The following PKD1 variants were observed in gnomAD, a reference collection of about 807,000 sequenced individuals.
PKD1 encodes polycystin 1, transient receptor potential channel interacting, also known as polycystin-1.
In PKD1, 81 loss-of-function variants were observed where a neutral mutation model predicts 361.7. That is an observed-to-expected ratio of 0.22 (90% confidence interval 0.19 to 0.27). The LOEUF is 0.27. Among genes scored for constraint, PKD1 ranks in the 10% least tolerant of loss-of-function variants. The pLI, the probability that PKD1 is intolerant of heterozygous loss-of-function variation, is 1.00. For synonymous variants in PKD1, 3,615 were observed against 2,818.3 expected, an observed-to-expected ratio of 1.28 and a Z score of -8.95; for missense variants, 6,399 against 6,118.3, an observed-to-expected ratio of 1.05 and a Z score of -1.53.
rs1254983694 is a variant in PKD1 at position 2,101,583 on chromosome 16, A to G, written c.9397+478T>C. ...CTGTGAGCCAAGATCATGCCATTGCACTCCAGCCTGGGCAACAGAGTGAGA... is the reference window on the plus strand; with the variant it reads ...CTGTGAGCCAAGATCATGCCATTGCGCTCCAGCCTGGGCAACAGAGTGAGA... On this transcript the variant is annotated intron_variant, in intron 26 of 45. Coordinates refer to ENST00000262304, the MANE Select transcript of PKD1 (RefSeq NM_001009944.3). 2.0e-5 allele frequency among the ~76,000 whole-genome samples: 3 copies of G among 152,298 alleles called. No individual in the cohort carries two copies. The East Asian group carries it at 5.8e-4, about 29-fold the overall frequency.
chr16:2,089,938 T>G lies in PKD1; in HGVS notation c.12701A>C (p.Glu4234Ala). Reference sequence around the variant, plus strand: ...CTGCTGCTCCAGCTGGTAGACGTCCTCTGTGGCCTGGTTGAGTCGGTCAAA... The same window carrying G: ...CTGCTGCTCCAGCTGGTAGACGTCCGCTGTGGCCTGGTTGAGTCGGTCAAA... ...TQFDRLNQAT[E>A]DVYQLEQQLH... Residue 4234 changes from glutamate (E) to alanine (A), a missense_variant, in exon 46 of 46, where the codon GAG becomes GCG. By Grantham distance (107) the Glu-to-Ala change is moderately radical. Transcript: ENST00000262304. The G allele has an allele frequency of 6.2e-7, 1 of 1,612,310 alleles. No homozygotes were observed. The highest frequency in any genetic ancestry group is 8.5e-7 in the Non-Finnish European group (1 of 1,179,796).
chr16:2,118,978 G>A lies in PKD1; in HGVS notation c.360-133C>T, dbSNP rs1229002413. 2.3e-6 allele frequency: 2 copies of A among 867,452 alleles called. No homozygotes were observed. Among genetic ancestry groups the A allele is most frequent in the Non-Finnish European group, 3.7e-6 (2 of 541,164 alleles). 53.7% of individuals were successfully genotyped at this position (867,452 alleles called of 1,614,324 possible). The stretch of plus-strand genomic sequence containing the variant: ...TGCCCCAACCAAGCCGGCACTGGGG[G>A]GCTCCAAGCAGGCAGTGAACTGCCC... On this transcript the variant is annotated intron_variant, in intron 3 of 45. Transcript: ENST00000262304. The surrounding 1 kb of genome is among the most constrained non-coding windows in gnomAD (Gnocchi z 6.0).
At chr16:2,123,718 G>A (rs1287868797) in intron 1 of PKD1, among the ~76,000 whole-genome samples, 1 of 152,144 alleles carries the variant, frequency 6.6e-6, no homozygotes, top group African/African-American at 2.4e-5. Flanking sequence ...CTAAGCCCAG[G>A]CAAGAGCACA....
In PKD1 at chr16:2,102,492, C is replaced by G. The variant is rs750365867; in HGVS notation, c.9090G>C (p.Leu3030=). 1.5e-5 allele frequency: 24 copies of G among 1,578,968 alleles called. No homozygotes were observed. In the Admixed American group the frequency reaches 3.7e-4, roughly 24 times the overall value. Residue 3030 remains leucine, a synonymous_variant, in exon 25 of 46, where the codon CTG becomes CTC. Coordinates refer to ENST00000262304, the MANE Select transcript of PKD1 (RefSeq NM_001009944.3). ...GGGGCGAGGTCTCCTCCAGGGGCAG[C>G]AGCCCCTCTGTCCGCCACACCATGT... The part of the protein sequence containing the change: ...EEDMVWRTEG[L]LPLEETSPRQ...
At chr16:2,135,358 G>A in intron 1 of PKD1, 117 bp downstream of exon 1, 2 of 1,064,772 alleles carry the variant, frequency 1.9e-6, no homozygotes. Context: ...TGCCGCGCCG[G>A]AGCCTCGCCC....
intron 37 of PKD1, 191 bp downstream of exon 37, chr16:2,093,353 C>T: frequency 1.4e-6 from 1 of 690,166 alleles, no homozygotes. Context: ...TGGAGCTGGG[C>T]CCTGGCAGGG....
Position 2,105,885 on chromosome 16 carries a change from G to C in PKD1, c.7843C>G (p.Leu2615Val), listed in dbSNP as rs771676768. ...PQHVIEYSLALVTVLNEYERA... is the reference protein window; with the variant it reads ...PQHVIEYSLAVVTVLNEYERA... Reference sequence around the variant, plus strand: ...CTCACCTCGTTCAGCACGGTGACCAGGGCCAACGAGTACTCGATGACGTGC... The same window carrying C: ...CTCACCTCGTTCAGCACGGTGACCACGGCCAACGAGTACTCGATGACGTGC... Residue 2615 changes from leucine to valine, a missense_variant, in exon 20 of 46, where the codon CTG becomes GTG. Leu to Val is a conservative substitution (Grantham distance 32, BLOSUM62 1). Transcript: ENST00000262304. The C allele has an allele frequency of 2.5e-6, 4 of 1,596,110 alleles. No homozygotes were observed. The highest frequency in any genetic ancestry group is 3.4e-6 in the Non-Finnish European group (4 of 1,179,634).
In PKD1 at chr16:2,103,820, C is replaced by T. The variant is rs1800569; in HGVS notation, c.8237G>A (p.Arg2746Gln). The T allele has an allele frequency of 1.8e-4, 294 of 1,608,100 alleles. 2 individuals are homozygous for T. The highest frequency in any genetic ancestry group is 1.2e-3 in the South Asian group (105 of 90,850). The change falls in exon 23 of 46, where the codon CGG becomes CAG. Residue 2746 changes from arginine to glutamine, a missense_variant. Transcript: ENST00000262304. ...PSELGAESPSRMVASQAYNLT... is the reference protein window; with the variant it reads ...PSELGAESPSQMVASQAYNLT... ...GTTGTAGGCCTGGGACGCCACCATC[C>T]GAGATGGTGACTCGGCTCCCAGCTC... is the stretch of plus-strand genomic sequence containing the variant.
In PKD1 at chr16:2,093,707, A is replaced by G. The variant is rs748807668; in HGVS notation, c.10853T>C (p.Val3618Ala). 6.3e-7 allele frequency: 1 copy of G among 1,595,400 alleles called. No individual in the cohort carries two copies. The part of the protein sequence containing the change: ...VLLEALYFSL[V>A]AKRLHPDEDD... ...TTCATCCGGGTGCAGCCGCTTGGCC[A>G]CCAGTGAGAAGTACAGGGCTTCCAG... is the stretch of plus-strand genomic sequence containing the variant. Residue 3618 changes from valine (V) to alanine (A), a missense_variant, in exon 37 of 46, where the codon GTG becomes GCG. Transcript: ENST00000262304.
intron 1 of PKD1, among the ~76,000 whole-genome samples, chr16:2,127,407 C>T (rs143787810): frequency 0.038 from 5,730 of 152,304 alleles, 353 homozygotes; most frequent in African/African-American, 0.13. Context: ...CCCACAGCCA[C>T]GCGGCCCTGC....
At chr16:2,123,415 G>A (rs1401764877) in intron 1 of PKD1, 2 of 455,938 alleles carry the variant, frequency 4.4e-6, no homozygotes, top group Admixed American at 2.4e-5. Flanking sequence ...GGACTCAGGT[G>A]TGGGCTTCAG....
Position 2,097,214 on chromosome 16 carries a change from G to T in PKD1, c.10433C>A (p.Ala3478Asp). The change falls in exon 34 of 46, where the codon GCC (alanine) becomes GAC (aspartate). Residue 3478 changes from alanine to aspartate, a missense_variant. Coordinates refer to ENST00000262304, the MANE Select transcript of PKD1 (RefSeq NM_001009944.3). Reference sequence around the variant, plus strand: ...AGGGGCTGGGCTGCTGACCCCCTCGGCAAGGACCTGCTGGATCAGGTCTTC... The same window carrying T: ...AGGGGCTGGGCTGCTGACCCCCTCGTCAAGGACCTGCTGGATCAGGTCTTC... ...SDEDLIQQVL[A>D]EGVSSPAPTQ... The T allele has an allele frequency of 6.4e-7, 1 of 1,572,760 alleles. No individual in the cohort carries two copies. The highest frequency in any genetic ancestry group is 8.6e-7 in the Non-Finnish European group (1 of 1,159,002).
rs1338900755 is a variant in PKD1 at position 2,106,575 on chromosome 16, G to A, written c.7312C>T (p.Leu2438=). ...AAGGTGTATCCCTCGCCGTCCCGCAGCACGCCCCGCCGCAGCACCAGTCGC... is the reference window on the plus strand; with the variant it reads ...AAGGTGTATCCCTCGCCGTCCCGCAACACGCCCCGCCGCAGCACCAGTCGC... ...GMRLVLRRGV[L]RDGEGYTFTL... is the part of the protein sequence containing the mutation. Residue 2438 remains leucine, a synonymous_variant, in exon 18 of 46, where the codon CTG becomes TTG. Coordinates refer to ENST00000262304, the MANE Select transcript of PKD1 (RefSeq NM_001009944.3). The surrounding 1 kb of genome is among the most constrained non-coding windows in gnomAD (Gnocchi z 6.5). 4 of 1,596,110 alleles carry A rather than the reference G, an allele frequency of 2.5e-6. No individual in the cohort carries two copies. The highest frequency in any genetic ancestry group is 1.1e-5 in the South Asian group (1 of 90,732).
intron 26 of PKD1, among the ~76,000 whole-genome samples, chr16:2,101,047 G>A (rs1228217616): frequency 4.0e-5 from 6 of 151,748 alleles, no homozygotes; most frequent in African/African-American, 1.5e-4. Flanking sequence ...GTGCAGTGGC[G>A]CAATCTCAGC....
chr16:2,121,815 G>A (rs539763745), intron 1 of PKD1, among the ~76,000 whole-genome samples: 1 of 152,282 alleles, frequency 6.6e-6, no homozygotes, highest in South Asian at 2.1e-4. Context: ...CTCACCTCCT[G>A]CCACGGGCCT....
Position 2,112,376 on chromosome 16 carries a change from C to G in PKD1, c.3259G>C (p.Val1087Leu). 6.3e-7 allele frequency: 1 copy of G among 1,587,756 alleles called. No individual in the cohort carries two copies. Among genetic ancestry groups the G allele is most frequent in the Non-Finnish European group, 8.5e-7 (1 of 1,174,628 alleles). The change falls in exon 14 of 46, where the codon GTG becomes CTG. Residue 1087 changes from valine (V) to leucine (L), a missense_variant. By Grantham distance (32) the Val-to-Leu change is conservative (BLOSUM62 1). Transcript: ENST00000262304. ...TAGGTGTGCATGACATTGTGCTCCA[C>G]CAGCACCTGGGCCACCGAGGGGTCT... ...VPDPSVAQVL[V>L]EHNVMHTYAA... is the part of the protein sequence containing the mutation.
At chr16:2,120,679 G>C (rs568418036) in intron 1 of PKD1, among the ~76,000 whole-genome samples, 4 of 152,080 alleles carry the variant, frequency 2.6e-5, no homozygotes, top group African/African-American at 7.2e-5. Context: ...TCCAGCCTGG[G>C]CGACAGAGCA....
At position 2,105,453 on chromosome 16, in the gene PKD1, C is replaced by T; in HGVS notation, c.7885G>A (p.Ala2629Thr). Residue 2629 changes from alanine to threonine, a missense_variant, in exon 21 of 46, where the codon GCG becomes ACG. Coordinates refer to ENST00000262304, the MANE Select transcript of PKD1 (RefSeq NM_001009944.3). ...TGCCGCTCGTGCTTGGGCTCTGCCG[C>T]CACGTCCAGGGCCCGCTCGTACTGG... is the stretch of plus-strand genomic sequence containing the variant. ...LNEYERALDV[A>T]AEPKHERQHR... 1 of 1,594,108 alleles carries T rather than the reference C, an allele frequency of 6.3e-7. No individual in the cohort carries two copies. The highest frequency in any genetic ancestry group is 8.5e-7 in the Non-Finnish European group (1 of 1,178,370).
rs967974623 is a variant in PKD1 at position 2,118,431 on chromosome 16, G to A, written c.561C>T (p.Asn187=). Residue 187 remains asparagine, a synonymous_variant, in exon 5 of 46, where the codon AAC becomes AAT. Transcript: ENST00000262304. This position sits in a 1 kb window ranked among gnomAD's most constrained non-coding sequence, Gnocchi z 6.0. The part of the protein sequence containing the change: ...GEEYVACLPD[N]SSGTVAAVSF... ...ACACTGCTGCCACGGTGCCTGAGCT[G>A]TTGTCAGGGAGGCAGGCGACATACT... The A allele has an allele frequency of 2.4e-6, 3 of 1,231,478 alleles. No individual in the cohort carries two copies. The highest frequency in any genetic ancestry group is 2.6e-4 in the Middle Eastern group (1 of 3,800). 76.3% of individuals were successfully genotyped at this position (1,231,478 alleles called of 1,614,324 possible). A position where few individuals can be genotyped will look rare whatever the true frequency, so the allele number is the denominator to read the frequency against.
Sources: allele counts gnomAD v4.1 joint callset (sites outside exome capture counted in the v4.1 genomes callset), GRCh38; gene constraint gnomAD v4.1.1; non-coding constraint Gnocchi (gnomAD v3.1); transcripts MANE v1.5; gene names NCBI Gene and HGNC (gene_info 2026-07-23, HGNC 2026-07-21).